The following SIPA1L3 variants were observed in gnomAD, a reference collection of about 807,000 sequenced individuals.
SIPA1L3 encodes signal induced proliferation associated 1 like 3, also known as signal-induced proliferation-associated 1-like protein 3.
Under a neutral mutation model 150.1 loss-of-function variants are expected in SIPA1L3, and 59 were observed. That is an observed-to-expected ratio of 0.39 (90% confidence interval 0.32 to 0.49). SIPA1L3 has a LOEUF of 0.49. Among genes scored for constraint, SIPA1L3 ranks in the 20% least tolerant of loss-of-function variants. The pLI is 0.86. For missense variants in SIPA1L3, 2,211 were observed against 2,489.5 expected, an observed-to-expected ratio of 0.89 and a Z score of 2.38; for synonymous variants, 1,070 against 1,077.6, an observed-to-expected ratio of 0.99 and a Z score of 0.14.
intron 10 of SIPA1L3, among the ~76,000 whole-genome samples, chr19:38,135,549 C>G (rs969606270): frequency 6.6e-6 from 1 of 152,216 alleles, no homozygotes; most frequent in African/African-American, 2.4e-5. Context: ...TCGCATGACT[C>G]TCACCCCAAA....
At chr19:38,078,178 T>C (rs1320426727) in intron 2 of SIPA1L3, among the ~76,000 whole-genome samples, 1 of 152,072 alleles carries the variant, frequency 6.6e-6, no homozygotes, top group African/African-American at 2.4e-5. Flanking sequence ...GCTTCCTCTC[T>C]CTTCTGTAGC....
intron 5 of SIPA1L3, 65 bp downstream of exon 5, chr19:38,100,215 C>T: frequency 8.0e-7 from 1 of 1,245,728 alleles, no homozygotes; most frequent in South Asian, 1.7e-5. Flanking sequence ...CTCCTGGTAG[C>T]TTTTTCTATC....
chr19:38,012,020 C>G (rs1968111475), intron 1 of SIPA1L3, among the ~76,000 whole-genome samples: 1 of 151,602 alleles, frequency 6.6e-6, no homozygotes, highest in Non-Finnish European at 1.5e-5. Flanking sequence ...TGGATCCCTG[C>G]TGACAGACAC....
At chr19:37,942,904 A>G (rs1380181202) in intron 1 of SIPA1L3, among the ~76,000 whole-genome samples, 4 of 151,844 alleles carry the variant, frequency 2.6e-5, no homozygotes, top group Non-Finnish European at 5.9e-5. Context: ...TTGTATTTTT[A>G]GTAGAGACAG....
At chr19:38,199,494 G>C (rs1236453510) in intron 19 of SIPA1L3, among the ~76,000 whole-genome samples, 7 of 152,232 alleles carry the variant, frequency 4.6e-5, no homozygotes, top group Non-Finnish European at 1.0e-4. Flanking sequence ...ATGTGAGAAA[G>C]CTGAGGGAGC....
intron 3 of SIPA1L3, among the ~76,000 whole-genome samples, chr19:38,084,740 C>T (rs954278476): frequency 2.7e-5 from 4 of 150,370 alleles, no homozygotes; most frequent in African/African-American, 4.9e-5. Flanking sequence ...CCTGGGTTCA[C>T]GCGATTCTCC....
intron 4 of SIPA1L3, among the ~76,000 whole-genome samples, chr19:38,094,112 C>T (rs1423952227): frequency 6.6e-6 from 1 of 152,072 alleles, no homozygotes; most frequent in Non-Finnish European, 1.5e-5. Flanking sequence ...TTAAAAAGTA[C>T]CAAACGCTCA....
intron 13 of SIPA1L3, among the ~76,000 whole-genome samples, chr19:38,156,005 C>T (rs1971941719): frequency 6.6e-6 from 1 of 152,094 alleles, no homozygotes; most frequent in South Asian, 2.1e-4. Context: ...CGCTTGAACA[C>T]GGGAGGCAGA....
intron 1 of SIPA1L3, among the ~76,000 whole-genome samples, chr19:37,973,601 C>G (rs1417107173): frequency 5.0e-5 from 4 of 80,000 alleles, no homozygotes; most frequent in Non-Finnish European, 8.6e-5. Context: ...TCTCAGCACT[C>G]TGAGAGTGCT....
At chr19:38,051,063 A>C (rs1969186993) in intron 2 of SIPA1L3, among the ~76,000 whole-genome samples, 1 of 152,224 alleles carries the variant, frequency 6.6e-6, no homozygotes, top group African/African-American at 2.4e-5. Context: ...TGTCTTAAAA[A>C]GAAAAGAAAA....
At chr19:38,057,331 C>G (rs895028116) in intron 2 of SIPA1L3, among the ~76,000 whole-genome samples, 2 of 150,594 alleles carry the variant, frequency 1.3e-5, no homozygotes, top group African/African-American at 4.9e-5. Context: ...TATACACACA[C>G]ACACACACGT....
At chr19:38,057,158 C>G (rs538898534) in intron 2 of SIPA1L3, among the ~76,000 whole-genome samples, 1 of 152,080 alleles carries the variant, frequency 6.6e-6, no homozygotes, top group East Asian at 1.9e-4. Flanking sequence ...GTAATCCCAG[C>G]TACTCAGGAG....
At chr19:37,925,646 T>C (rs1260842165) in intron 1 of SIPA1L3, among the ~76,000 whole-genome samples, 1 of 142,922 alleles carries the variant, frequency 7.0e-6, no homozygotes, top group Non-Finnish European at 1.5e-5. Flanking sequence ...CAGGCTGGAG[T>C]GCAATGGCCC....
Position 38,206,108 on chromosome 19 carries a change from C to T in SIPA1L3, c.5214C>T (p.Asp1738=). ...CCCACCCTGTGCAGGAGAAGCAGGA[C>T]AAGGTGGTGCTCCAGTCAGAGGTGG... ...LHTDLQKEKQ[D]KVVLQSEVAS... The change falls in exon 22 of 22, where the codon GAC becomes GAT. Residue 1738 remains aspartate (D), a synonymous_variant. Coordinates refer to ENST00000222345, the MANE Select transcript of SIPA1L3 (RefSeq NM_015073.3). 1 of 1,548,920 alleles carries T rather than the reference C, an allele frequency of 6.5e-7. No individual in the cohort carries two copies. Among genetic ancestry groups the T allele is most frequent in the Non-Finnish European group, 8.7e-7 (1 of 1,145,656 alleles).
chr19:38,152,578 C>G (rs942130476), intron 12 of SIPA1L3, among the ~76,000 whole-genome samples: 1 of 152,216 alleles, frequency 6.6e-6, no homozygotes, highest in Non-Finnish European at 1.5e-5. Flanking sequence ...CCTCTGCCCC[C>G]TCCTTCCCTT....
chr19:38,167,054 G>A (rs191879018), intron 15 of SIPA1L3, among the ~76,000 whole-genome samples: 1 of 152,154 alleles, frequency 6.6e-6, no homozygotes, highest in African/African-American at 2.4e-5. Context: ...CCAACATGGT[G>A]AAACCCCATC....
At chr19:37,994,929 A>G (rs913947512) in intron 1 of SIPA1L3, among the ~76,000 whole-genome samples, 11 of 152,074 alleles carry the variant, frequency 7.2e-5, no homozygotes, top group Non-Finnish European at 1.0e-4. Flanking sequence ...AACTCCAGGC[A>G]CTTATGTTTC....
chr19:38,028,994 T>C (rs747930279), intron 1 of SIPA1L3, 95 bp from the exon 2 acceptor site: 41 of 152,286 alleles, frequency 2.7e-4, no homozygotes, highest in African/African-American at 9.6e-4. Context: ...AGTAAATACT[T>C]GTTGAAAGAG....
At position 38,130,758 on chromosome 19, in the gene SIPA1L3, C is replaced by T. The variant is rs1271097990; in HGVS notation, c.3129C>T (p.Asp1043=). The change falls in exon 10 of 22, where the codon GAC becomes GAT. Residue 1043 remains aspartate, a synonymous_variant. Transcript: ENST00000222345. ...VKVVIIPPFE[D]GTPRRGWPET... ...TGGTCATCATCCCGCCTTTTGAGGA[C>T]GGCACTCCCCGGAGGTAAGGGCCTC... 5.6e-6 allele frequency: 9 copies of T among 1,605,952 alleles called. No homozygotes were observed. The highest frequency in any genetic ancestry group is 4.0e-5 in the African/African-American group (3 of 74,838).
Sources: allele counts gnomAD v4.1 joint callset (sites outside exome capture counted in the v4.1 genomes callset), GRCh38; gene constraint gnomAD v4.1.1; transcripts MANE v1.5; gene names NCBI Gene and HGNC (gene_info 2026-07-23, HGNC 2026-07-21).